STON2: variants seen among roughly 807,000 people sequenced by gnomAD.
The protein encoded by STON2 is stonin-2.
A neutral mutation model predicts 65.7 loss-of-function variants in STON2; 29 were observed. The ratio of observed to expected loss-of-function variants is 0.44; its 90% CI spans 0.33 to 0.60. The LOEUF (loss-of-function observed/expected upper bound fraction) is 0.60. Among genes scored for constraint, STON2 ranks in the 20% least tolerant of loss-of-function variants. STON2 has a pLI of 0.03. For missense variants in STON2, 1,054 were observed against 1,118.1 expected, an observed-to-expected ratio of 0.94 and a Z score of 0.82; for synonymous variants, 404 against 414.2, an observed-to-expected ratio of 0.98 and a Z score of 0.30.
intron 4 of STON2, among the ~76,000 whole-genome samples, chr14:81,347,614 G>GAAAAA (rs1161716425): frequency 6.8e-5 from 1 of 14,606 alleles, no homozygotes; most frequent in South Asian, 2.2e-3. Context: ...CAAGAAGACA[G>GAAAAA]TAAAAAAAAA....
chr14:81,411,202 C>A (rs547704297), intron 2 of STON2, among the ~76,000 whole-genome samples: 1 of 152,098 alleles, frequency 6.6e-6, no homozygotes, highest in Non-Finnish European at 1.5e-5. Flanking sequence ...CAGCAGTGAT[C>A]ATTACACGCC....
At chr14:81,337,617 G>A (rs908163295) in intron 4 of STON2, among the ~76,000 whole-genome samples, 3 of 152,128 alleles carry the variant, frequency 2.0e-5, no homozygotes, top group African/African-American at 4.8e-5. Flanking sequence ...GGAGTGAACC[G>A]TATGAAGATC....
chr14:81,428,068 G>T (rs553452464), intron 1 of STON2, among the ~76,000 whole-genome samples: 4 of 152,154 alleles, frequency 2.6e-5, no homozygotes, highest in Non-Finnish European at 5.9e-5. Flanking sequence ...ACCTTACAGC[G>T]TTGAGGTGCA....
intron 2 of STON2, among the ~76,000 whole-genome samples, chr14:81,422,425 C>T (rs1456704897): frequency 2.6e-5 from 4 of 152,214 alleles, no homozygotes; most frequent in South Asian, 2.1e-4. Context: ...TTGTACAACC[C>T]GCAGAACTAT....
chr14:81,316,120 A>G (rs1896608720), intron 5 of STON2, among the ~76,000 whole-genome samples: 1 of 152,190 alleles, frequency 6.6e-6, no homozygotes, highest in Non-Finnish European at 1.5e-5. Flanking sequence ...TTTTCACATA[A>G]AACAGAAATA....
intron 4 of STON2, among the ~76,000 whole-genome samples, chr14:81,345,870 G>A (rs114485495): frequency 0.013 from 2,007 of 152,308 alleles, 44 homozygotes; most frequent in African/African-American, 0.046. Context: ...GGAAAAGTCA[G>A]CTATCAATTT....
rs1894323649 is a variant in STON2 at position 81,265,597 on chromosome 14, A to T, written c.*2817T>A. On this transcript the variant is annotated 3_prime_UTR_variant, in exon 8 of 8. Transcript: ENST00000614646. ...GAGGCAGAGGTTGCAATGAGCCGAG[A>T]TCACGCCATTGCACTCCAGCCTGGG... The T allele has an allele frequency of 1.0e-5, 4 of 391,654 alleles. No individual in the cohort carries two copies. The highest frequency in any genetic ancestry group is 2.2e-5 in the African/African-American group (1 of 46,174). 24.3% of individuals were successfully genotyped at this position (391,654 alleles called of 1,614,324 possible).
At chr14:81,371,932 G>C (rs910060325) in intron 3 of STON2, among the ~76,000 whole-genome samples, 1 of 152,090 alleles carries the variant, frequency 6.6e-6, no homozygotes, top group Non-Finnish European at 1.5e-5. Flanking sequence ...AAAGGATAAA[G>C]AGTAGATATG....
chr14:81,276,172 G>A (rs534219768), intron 6 of STON2, among the ~76,000 whole-genome samples: 10 of 152,206 alleles, frequency 6.6e-5, no homozygotes, highest in African/African-American at 9.7e-5. Flanking sequence ...CGGGACCCAC[G>A]GGGGAAGTAA....
In STON2 at chr14:81,267,118, G is replaced by C. The variant is rs997206310; in HGVS notation, c.*1296C>G. 1 of 985,038 alleles carries C rather than the reference G, an allele frequency of 1.0e-6. No homozygotes were observed. The highest frequency in any genetic ancestry group is 1.2e-6 in the Non-Finnish European group (1 of 829,850). The allele number at this position is 985,038 out of a possible 1,614,324, so 61.0% of individuals were successfully genotyped here. A position where few individuals can be genotyped will look rare whatever the true frequency, so the allele number is the denominator to read the frequency against. On this transcript the variant is annotated 3_prime_UTR_variant, in exon 8 of 8. Transcript: ENST00000614646. The stretch of plus-strand genomic sequence containing the variant: ...CAATGAAGTGTGCTTTCTGTCCCCC[G>C]ACTTGTATTCTTCATGGGAGAAAAC...
intron 5 of STON2, among the ~76,000 whole-genome samples, chr14:81,316,743 G>A (rs147638782): frequency 1.4e-3 from 220 of 152,260 alleles, no homozygotes; most frequent in Admixed American, 3.2e-3. Context: ...AGGTTTGGCC[G>A]GGCGTGGTGG....
intron 4 of STON2, among the ~76,000 whole-genome samples, chr14:81,365,051 A>T (rs749512538): frequency 3.6e-4 from 55 of 152,324 alleles, no homozygotes; most frequent in Non-Finnish European, 6.3e-4. Context: ...TATACAGTGG[A>T]TCAAGGCCCC....
chr14:81,385,563 C>A (rs1231285895), intron 3 of STON2, among the ~76,000 whole-genome samples: 1 of 152,112 alleles, frequency 6.6e-6, no homozygotes, highest in East Asian at 1.9e-4. Flanking sequence ...GGGTAAGAGG[C>A]CAGTTTCCTT....
intron 4 of STON2, among the ~76,000 whole-genome samples, chr14:81,350,658 C>T (rs1375455425): frequency 6.6e-6 from 1 of 152,050 alleles, no homozygotes; most frequent in African/African-American, 2.4e-5. Context: ...TGTGGAAATT[C>T]GACTAAATAA....
chr14:81,355,773 T>C (rs7159842), intron 4 of STON2, among the ~76,000 whole-genome samples: 4,607 of 152,232 alleles, frequency 0.03, 244 homozygotes, highest in African/African-American at 0.1. Context: ...GAAGCAATTG[T>C]GAATGGGAGT....
chr14:81,261,837 C>T lies in STON2; in HGVS notation c.*6577G>A, dbSNP rs2140074022. 2 of 1,534,038 alleles carry T rather than the reference C, an allele frequency of 1.3e-6. No individual in the cohort carries two copies. The highest frequency in any genetic ancestry group is 1.2e-5 in the South Asian group (1 of 83,888). On this transcript the variant is annotated 3_prime_UTR_variant, in exon 8 of 8. Transcript: ENST00000614646. ...TGGAACTTCCAAAGAAGCATTCCAC[C>T]TGATCTTCACCACCCTCTTTGATCC...
At chr14:81,427,006 T>C (rs1185343226) in intron 2 of STON2, 2 of 152,220 alleles carry the variant, frequency 1.3e-5, no homozygotes, top group Non-Finnish European at 2.9e-5. Context: ...TTACTGTTCA[T>C]TTAATTAAAT....
At chr14:81,351,147 T>C (rs534797686) in intron 4 of STON2, among the ~76,000 whole-genome samples, 6 of 151,822 alleles carry the variant, frequency 4.0e-5, no homozygotes, top group Admixed American at 1.3e-4. Flanking sequence ...ACTCAAGTGC[T>C]TGAGACTAAG....
chr14:81,265,685 C>CAAT lies in STON2; in HGVS notation c.*2726_*2728dup, dbSNP rs924422707. On this transcript the variant is annotated 3_prime_UTR_variant, in exon 8 of 8. Transcript: ENST00000614646. ...TAATAATAATAATAATACTCTGTCT[C>CAAT]AATAATAATAATAATAATAATTTGT... The CAAT allele has an allele frequency of 4.2e-4, 132 of 316,908 alleles. No homozygotes were observed. Among genetic ancestry groups the CAAT allele is most frequent in the Middle Eastern group, 1.8e-3 (1 of 566 alleles). 19.6% of individuals were successfully genotyped at this position (316,908 alleles called of 1,614,324 possible).
Sources: allele counts gnomAD v4.1 joint callset (sites outside exome capture counted in the v4.1 genomes callset), GRCh38; gene constraint gnomAD v4.1.1; transcripts MANE v1.5; gene names NCBI Gene and HGNC (gene_info 2026-07-23, HGNC 2026-07-21).